Variants in LIMCH1 observed in about 807,000 individuals in gnomAD.
The protein encoded by LIMCH1 is LIM and calponin homology domains-containing protein 1.
Under a neutral mutation model 176.5 loss-of-function variants are expected in LIMCH1, and 113 were observed. That is an observed-to-expected ratio of 0.64 (90% confidence interval 0.55 to 0.75). LIMCH1 has a LOEUF of 0.75. Among genes scored for constraint, LIMCH1 ranks in the 30% least tolerant of loss-of-function variants. The probability of loss-of-function intolerance (pLI) is 0.00; values close to 1 mark genes in which losing one functional copy is unlikely to be tolerated. For synonymous variants in LIMCH1, 619 were observed against 645.9 expected (o/e 0.96, Z 0.63); for missense variants, 1,674 against 1,814.9 (o/e 0.92, Z 1.41).
rs1309893749 is a variant in LIMCH1 at position 41,646,493 on chromosome 4, G to C, written c.2420G>C (p.Arg807Thr). The change falls in exon 17 of 32, where the codon AGA (arginine) becomes ACA (threonine). Residue 807 changes from arginine to threonine, a missense_variant. Physicochemically the swap from Arg to Thr is moderately conservative, Grantham distance 71. Transcript: ENST00000503057. ...TCTCCCATGTCCTTTAGAGAGCGGA[G>C]AGAGAGAGAGCTGCATGAAGCATAT... ...YREIVQEKERRERELHEAYKN... is the reference protein window; with the variant it reads ...YREIVQEKERTERELHEAYKN... 6.2e-7 allele frequency: 1 copy of C among 1,612,602 alleles called. No homozygotes were observed. Among genetic ancestry groups the C allele is most frequent in the Non-Finnish European group, 8.5e-7 (1 of 1,178,854 alleles).
chr4:41,644,359 C>T, intron 14 of LIMCH1, 141 bp from the exon 15 acceptor site: 1 of 1,129,920 alleles, frequency 8.9e-7, no homozygotes, highest in South Asian at 2.0e-5. Context: ...AACACACCGC[C>T]AGTCACGCGC....
chr4:41,394,729 T>C (rs2057616034), intron 1 of LIMCH1, among the ~76,000 whole-genome samples: 1 of 152,172 alleles, frequency 6.6e-6, no homozygotes, highest in African/African-American at 2.4e-5. Flanking sequence ...CATTCTGTAA[T>C]TGGGGAATAT....
intron 1 of LIMCH1, among the ~76,000 whole-genome samples, chr4:41,484,016 T>C (rs1459848766): frequency 6.6e-6 from 1 of 152,206 alleles, no homozygotes; most frequent in Non-Finnish European, 1.5e-5. Context: ...GGCTTTAAAA[T>C]AGAAGCAATA....
intron 1 of LIMCH1, among the ~76,000 whole-genome samples, chr4:41,468,471 TTGACC>T (rs2066489857): frequency 6.7e-6 from 1 of 149,890 alleles, no homozygotes; most frequent in African/African-American, 2.5e-5. Context: ...TAGCAAAATC[TTGACC>T]TGATCTGAAA....
intron 1 of LIMCH1, among the ~76,000 whole-genome samples, chr4:41,362,149 C>G (rs1208641507): frequency 6.6e-6 from 1 of 152,202 alleles, no homozygotes; most frequent in Non-Finnish European, 1.5e-5. Flanking sequence ...CTCTCCTGCT[C>G]CAGCCAGAGA....
chr4:41,423,901 A>G (rs557064748), intron 1 of LIMCH1, among the ~76,000 whole-genome samples: 1 of 152,198 alleles, frequency 6.6e-6, no homozygotes, highest in East Asian at 1.9e-4. Context: ...GTGAAGTAGC[A>G]TAGGGCATCT....
At chr4:41,502,537 G>A (rs2073486972) in intron 2 of LIMCH1, among the ~76,000 whole-genome samples, 1 of 152,162 alleles carries the variant, frequency 6.6e-6, no homozygotes, top group Non-Finnish European at 1.5e-5. Context: ...ACAGTGTAAA[G>A]CATTCCTTTT....
At chr4:41,603,460 A>C (rs1203113036) in intron 2 of LIMCH1, among the ~76,000 whole-genome samples, 2 of 152,212 alleles carry the variant, frequency 1.3e-5, no homozygotes, top group East Asian at 3.9e-4. Context: ...GTCTAATTAA[A>C]TAAGGTTTTA....
chr4:41,501,857 CTT>C (rs71198662), intron 2 of LIMCH1, among the ~76,000 whole-genome samples: 12,681 of 74,140 alleles, frequency 0.17, 939 homozygotes, highest in African/African-American at 0.28. Flanking sequence ...GTGTAGAATC[CTT>C]TTTTTTTTTT....
Position 41,695,145 on chromosome 4 carries a change from G to A in LIMCH1, c.4379-2015G>A, listed in dbSNP as rs565200817. ...TTTGTTATATTTGCCGCATATTGTGGTTATTAGTTTTCCCACTCTGTGATT... is the reference window on the plus strand; with the variant it reads ...TTTGTTATATTTGCCGCATATTGTGATTATTAGTTTTCCCACTCTGTGATT... On this transcript the variant is annotated intron_variant, in intron 31 of 31. Coordinates refer to ENST00000503057, the MANE Select transcript of LIMCH1 (RefSeq NM_001330672.2). Among the ~76,000 whole-genome samples the A allele has an allele frequency of 1.1e-4, 16 of 151,686 alleles. No individual in the cohort carries two copies. In the East Asian group the frequency reaches 3.1e-3, roughly 29 times the overall value.
chr4:41,397,333 G>A (rs1331690338), intron 1 of LIMCH1, among the ~76,000 whole-genome samples: 1 of 152,086 alleles, frequency 6.6e-6, no homozygotes, highest in Non-Finnish European at 1.5e-5. Flanking sequence ...GGCTTTTTAT[G>A]GCATGAGATA....
chr4:41,378,806 AG>A (rs2055177071), intron 1 of LIMCH1, among the ~76,000 whole-genome samples: 1 of 152,214 alleles, frequency 6.6e-6, no homozygotes, highest in South Asian at 2.1e-4. Flanking sequence ...AAAAGATTGT[AG>A]TAGGATTTGT....
In LIMCH1 at chr4:41,699,744, A is replaced by T. The variant is rs564363898; in HGVS notation, c.*2559A>T. On this transcript the variant is annotated 3_prime_UTR_variant, in exon 32 of 32. Coordinates refer to ENST00000503057, the MANE Select transcript of LIMCH1 (RefSeq NM_001330672.2). Reference sequence around the variant, plus strand: ...AATAATGGGTAACTTTTTGTTTTTCACTAGCGAACTTCCATGACATTTCCT... The same window carrying T: ...AATAATGGGTAACTTTTTGTTTTTCTCTAGCGAACTTCCATGACATTTCCT... 8 of 152,268 alleles carry T rather than the reference A, an allele frequency of 5.3e-5. No homozygotes were observed. Among genetic ancestry groups the T allele is most frequent in the African/African-American group, 1.9e-4 (8 of 41,572 alleles). The allele number at this position is 152,268 out of a possible 1,614,324, so 9.4% of individuals were successfully genotyped here.
At chr4:41,438,608 G>A (rs562236473) in intron 1 of LIMCH1, among the ~76,000 whole-genome samples, 8 of 152,108 alleles carry the variant, frequency 5.3e-5, no homozygotes, top group Non-Finnish European at 1.2e-4. Context: ...CAAAGTGCTG[G>A]GATTACCAGC....
intron 5 of LIMCH1, among the ~76,000 whole-genome samples, chr4:41,614,171 T>C (rs2091800589): frequency 6.6e-6 from 1 of 152,232 alleles, no homozygotes; most frequent in Admixed American, 6.5e-5. Flanking sequence ...TTGTGATACC[T>C]GACTGGTATA....
rs187915742 is a variant in LIMCH1, at chr4:41,504,960, A to G, written c.167+10354A>G. 6.6e-5 allele frequency among the ~76,000 whole-genome samples: 10 copies of G among 152,326 alleles called. No homozygotes were observed. The East Asian group carries it at 1.9e-3, about 29-fold the overall frequency. On this transcript the variant is annotated intron_variant, in intron 2 of 26. Coordinates refer to the LIMCH1 transcript ENST00000313860. Reference sequence around the variant, plus strand: ...CTAGATTTGCCTCCTGTGTATCCTTAGGCTAGTAACCTAACCTCTTTGAGT... The same window carrying G: ...CTAGATTTGCCTCCTGTGTATCCTTGGGCTAGTAACCTAACCTCTTTGAGT...
At chr4:41,534,742 C>T (rs944753439), upstream of LIMCH1, among the ~76,000 whole-genome samples, 1 of 151,896 alleles carries the variant, frequency 6.6e-6, no homozygotes, top group Non-Finnish European at 1.5e-5. Context: ...CCTCCCCCTC[C>T]AAATTATAGT....
intron 1 of LIMCH1, among the ~76,000 whole-genome samples, chr4:41,455,854 G>A (rs190540748): frequency 7.2e-5 from 11 of 152,234 alleles, no homozygotes; most frequent in South Asian, 4.1e-4. Flanking sequence ...AAGACTCTTC[G>A]ACCTCAGACA....
chr4:41,582,189 G>A (rs1409067881), intron 1 of LIMCH1, among the ~76,000 whole-genome samples: 1 of 152,152 alleles, frequency 6.6e-6, no homozygotes, highest in Non-Finnish European at 1.5e-5. Context: ...TTCCTGCATG[G>A]TAACTCATGG....
Sources: gnomAD v4.1 joint callset for allele counts (sites outside exome capture counted in the v4.1 genomes callset) on GRCh38, gnomAD v4.1.1 for gene constraint, MANE v1.5 for transcripts, NCBI Gene and HGNC (gene_info 2026-07-23, HGNC 2026-07-21) for gene names.